Variants in DYNC1H1 observed in about 807,000 individuals in gnomAD.
The protein encoded by DYNC1H1 is dynein cytoplasmic 1 heavy chain 1.
DYNC1H1 carries 51 observed loss-of-function variants against 527.1 expected under a neutral mutation model. The observed-to-expected ratio is 0.10, with a 90% CI of 0.08 to 0.12. The LOEUF (loss-of-function observed/expected upper bound fraction) is 0.12. Among genes scored for constraint, DYNC1H1 ranks in the 10% least tolerant of loss-of-function variants. DYNC1H1 has a pLI of 1.00. For missense variants in DYNC1H1, 2,771 were observed against 5,971.8 expected, an observed-to-expected ratio of 0.46 and a Z score of 17.66; for synonymous variants, 2,189 against 2,278.8, an observed-to-expected ratio of 0.96 and a Z score of 1.12.
chr14:101,991,300 C>G (rs2047995698), intron 10 of DYNC1H1, among the ~76,000 whole-genome samples: 1 of 152,128 alleles, frequency 6.6e-6, no homozygotes, highest in African/African-American at 2.4e-5. Flanking sequence ...ATGCTGAAAC[C>G]CGTCTCTACT....
Position 102,001,415 on chromosome 14 carries a change from G to A in DYNC1H1, c.4395+61G>A. 7 of 1,611,128 alleles carry A rather than the reference G, an allele frequency of 4.3e-6. No individual in the cohort carries two copies. Among genetic ancestry groups the A allele is most frequent in the Non-Finnish European group, 5.1e-6 (6 of 1,177,482 alleles). Reference sequence around the variant, plus strand: ...GTTTCGGGCTGTTACATAGATCTGAGCTATGTAAAAATGGAGCCTTGTCAT... The same window carrying A: ...GTTTCGGGCTGTTACATAGATCTGAACTATGTAAAAATGGAGCCTTGTCAT... On this transcript the variant is annotated intron_variant, in intron 20 of 77. Coordinates refer to ENST00000360184, the MANE Select transcript of DYNC1H1 (RefSeq NM_001376.5). The surrounding 1 kb of genome is among the most constrained non-coding windows in gnomAD (Gnocchi z 5.0).
In DYNC1H1 at chr14:102,005,470, G is replaced by A. The variant is rs1412223601; in HGVS notation, c.5433+234G>A. Among the ~76,000 whole-genome samples, 1 of 152,196 alleles carries A rather than the reference G, an allele frequency of 6.6e-6. No homozygotes were observed. Among genetic ancestry groups the A allele is most frequent in the Non-Finnish European group, 1.5e-5 (1 of 68,022 alleles). On this transcript the variant is annotated intron_variant, in intron 26 of 77. Transcript: ENST00000360184. The surrounding 1 kb of genome is among the most constrained non-coding windows in gnomAD (Gnocchi z 4.0). ...GGTAGAGAGGAAGGGATCAACCTTG[G>A]TCAGGATCTCTTGCTCTTTCCTGTC...
In DYNC1H1 at chr14:102,016,429, C is replaced by G. The variant is rs1172501503; in HGVS notation, c.7554C>G (p.Ile2518Met). 1 of 1,614,044 alleles carries G rather than the reference C, an allele frequency of 6.2e-7. No homozygotes were observed. Among genetic ancestry groups the G allele is most frequent in the African/African-American group, 1.3e-5 (1 of 74,910 alleles). The change falls in exon 37 of 78, where the codon ATC becomes ATG. Residue 2518 changes from isoleucine to methionine, a missense_variant. Physicochemically the swap from Ile to Met is conservative, Grantham distance 10. Coordinates refer to ENST00000360184, the MANE Select transcript of DYNC1H1 (RefSeq NM_001376.5). This position sits in a 1 kb window ranked among gnomAD's most constrained non-coding sequence, Gnocchi z 7.3. Reference sequence around the variant, plus strand: ...TGAGAGCAGAGCTGGGTGAATACATCAGAAGAATCACGACCGTGCCTCTGC... The same window carrying G: ...TGAGAGCAGAGCTGGGTGAATACATGAGAAGAATCACGACCGTGCCTCTGC... ...LKMRAELGEY[I>M]RRITTVPLPT...
At chr14:102,007,373 C>A (rs1274059173) in intron 28 of DYNC1H1, among the ~76,000 whole-genome samples, 2 of 152,076 alleles carry the variant, frequency 1.3e-5, no homozygotes, top group Non-Finnish European at 2.9e-5. Context: ...TTTTTGACGA[C>A]ATTTTTAGTG....
Position 102,010,256 on chromosome 14 carries a change from CT to C in DYNC1H1, c.6222-13del. 1.2e-6 allele frequency: 2 copies of C among 1,613,702 alleles called. No individual in the cohort carries two copies. Among genetic ancestry groups the C allele is most frequent in the Non-Finnish European group, 1.7e-6 (2 of 1,179,972 alleles). On this transcript the variant is annotated intron_variant, in intron 30 of 77. Transcript: ENST00000360184. The surrounding 1 kb of genome is among the most constrained non-coding windows in gnomAD (Gnocchi z 6.0). ...AAAGTATACTGTTATTAAAGATAGC[CT>C]TTTTTTCTTCTTTTCTAGACTATGC... is the stretch of plus-strand genomic sequence containing the variant.
chr14:102,043,283 C>CAA (rs10673572), intron 69 of DYNC1H1: 12,450 of 117,960 alleles, frequency 0.11, 1,094 homozygotes, highest in East Asian at 0.28. Context: ...GACCCCGTCT[C>CAA]AAAAAAAAAA....
chr14:102,044,233 G>T lies in DYNC1H1; in HGVS notation c.12685-41G>T. 2 of 1,610,886 alleles carry T rather than the reference G, an allele frequency of 1.2e-6. No homozygotes were observed. The highest frequency in any genetic ancestry group is 1.7e-6 in the Non-Finnish European group (2 of 1,178,906). ...TCGAAAGGAAGCCCCGGGCCTGCCC[G>T]CCTCTGACCACACACACGAACCCTG... is the stretch of plus-strand genomic sequence containing the variant. On this transcript the variant is annotated intron_variant, in intron 70 of 77. Coordinates refer to ENST00000360184, the MANE Select transcript of DYNC1H1 (RefSeq NM_001376.5). This position sits in a 1 kb window ranked among gnomAD's most constrained non-coding sequence, Gnocchi z 7.1.
rs140436909 is a variant in DYNC1H1 at position 102,029,673 on chromosome 14, G to A, written c.9603G>A (p.Leu3201=). Residue 3201 remains leucine, a synonymous_variant, in exon 49 of 78, where the codon TTG becomes TTA. Transcript: ENST00000360184. This position sits in a 1 kb window ranked among gnomAD's most constrained non-coding sequence, Gnocchi z 5.3. ...AGCTGGAGGAGCAGCAGATGCACTT[G>A]AACGTGGGGCTCAGGAAGATCAAAG... ...RSELEEQQMH[L]NVGLRKIKET... The A allele has an allele frequency of 1.1e-5, 18 of 1,614,088 alleles. No individual in the cohort carries two copies. Among genetic ancestry groups the A allele is most frequent in the Non-Finnish European group, 1.4e-5 (16 of 1,180,038 alleles).
rs933665213 is a variant in DYNC1H1 at position 102,050,010 on chromosome 14, G to A, written c.13685-61G>A. 7 of 1,614,032 alleles carry A rather than the reference G, an allele frequency of 4.3e-6. No individual in the cohort carries two copies. The East Asian group carries it at 1.3e-4, about 31-fold the overall frequency. On this transcript the variant is annotated intron_variant, in intron 76 of 77. Coordinates refer to ENST00000360184, the MANE Select transcript of DYNC1H1 (RefSeq NM_001376.5). Reference sequence around the variant, plus strand: ...TGGGTGGAGCCTCTGGGCGCCCTGTGACTGGGGTTTGTGTAGCTGTTGTGT... The same window carrying A: ...TGGGTGGAGCCTCTGGGCGCCCTGTAACTGGGGTTTGTGTAGCTGTTGTGT...
In DYNC1H1 at chr14:102,010,514, T is replaced by A. The variant is rs2048246028; in HGVS notation, c.6405+55T>A. The A allele has an allele frequency of 6.3e-7, 1 of 1,593,682 alleles. No individual in the cohort carries two copies. The highest frequency in any genetic ancestry group is 1.1e-5 in the South Asian group (1 of 88,434). Reference sequence around the variant, plus strand: ...CCTTATACGTTATTTAAATTTACCTTTTTAACATTTAAGCCATGACTTGTG... The same window carrying A: ...CCTTATACGTTATTTAAATTTACCTATTTAACATTTAAGCCATGACTTGTG... On this transcript the variant is annotated intron_variant, in intron 31 of 77. Transcript: ENST00000360184. This position sits in a 1 kb window ranked among gnomAD's most constrained non-coding sequence, Gnocchi z 6.0.
At position 102,044,446 on chromosome 14, in the gene DYNC1H1, G is replaced by C; in HGVS notation, c.12857G>C (p.Cys4286Ser). The C allele has an allele frequency of 6.2e-7, 1 of 1,614,216 alleles. No homozygotes were observed. Among genetic ancestry groups the C allele is most frequent in the Non-Finnish European group, 8.5e-7 (1 of 1,180,042 alleles). Residue 4286 changes from cysteine (C) to serine (S), a missense_variant, in exon 71 of 78, where the codon TGC becomes TCC. Coordinates refer to ENST00000360184, the MANE Select transcript of DYNC1H1 (RefSeq NM_001376.5). This position sits in a 1 kb window ranked among gnomAD's most constrained non-coding sequence, Gnocchi z 7.1. ...RSFDSEFKLA[C>S]KVDGHKDIQM... is the part of the protein sequence containing the mutation. ...TTCGACAGTGAGTTTAAGCTGGCAT[G>C]CAAGGTCGACGGACATAAAGACATT...
intron 24 of DYNC1H1, 23 bp downstream of exon 24, chr14:102,004,706 T>G: frequency 6.2e-7 from 1 of 1,614,202 alleles, no homozygotes; most frequent in Non-Finnish European, 8.5e-7. Context: ...TCGTAACTTT[T>G]AAAACTTCTC....
chr14:102,020,466 A>C lies in DYNC1H1; in HGVS notation c.8507+410A>C, dbSNP rs1362068612. 6.6e-6 allele frequency among the ~76,000 whole-genome samples: 1 copy of C among 152,142 alleles called. No individual in the cohort carries two copies. The highest frequency in any genetic ancestry group is 1.5e-5 in the Non-Finnish European group (1 of 68,032). On this transcript the variant is annotated intron_variant, in intron 42 of 77. Transcript: ENST00000360184. The surrounding 1 kb of genome is among the most constrained non-coding windows in gnomAD (Gnocchi z 4.3). ...TTACCAGAGCACGGGTTCACTGCTG[A>C]GTTAAAAGGTCTCCCAACAACTGCC...
intron 1 of DYNC1H1, among the ~76,000 whole-genome samples, chr14:101,974,653 T>C (rs1280469572): frequency 6.6e-6 from 1 of 152,246 alleles, no homozygotes; most frequent in Admixed American, 6.5e-5. Context: ...CACATGCTTC[T>C]TGAGGCTACC....
rs1190612 is a variant in DYNC1H1, at chr14:102,054,551, A to G, written c.*3988A>G. The G allele has an allele frequency of 0.37, 54,689 of 147,838 alleles. 13,374 individuals carry two copies. Among genetic ancestry groups the G allele is most frequent in the African/African-American group, 0.71 (28,487 of 39,926 alleles). The allele number at this position is 147,838 out of a possible 1,614,324, so 9.2% of individuals were successfully genotyped here. ...CCAGTTACAACACCATCACCAACAG[A>G]GCCTTTGCAGAACTTTTTTTTTTTT... is the stretch of plus-strand genomic sequence containing the variant. On this transcript the variant is annotated 3_prime_UTR_variant, in exon 78 of 78. Coordinates refer to ENST00000360184, the MANE Select transcript of DYNC1H1 (RefSeq NM_001376.5).
chr14:101,965,062 A>G lies in DYNC1H1; in HGVS notation c.256+115A>G. On this transcript the variant is annotated intron_variant, in intron 1 of 77. Transcript: ENST00000360184. This position sits in a 1 kb window ranked among gnomAD's most constrained non-coding sequence, Gnocchi z 4.1. ...GATGGGAGGAGCCCGGCAGCTGCAG[A>G]TGACCCCTGGATGGGCAGAGCCCGG... The G allele has an allele frequency of 5.0e-6, 6 of 1,192,450 alleles. No individual in the cohort carries two copies. The Admixed American group carries it at 7.2e-5, about 14-fold the overall frequency. The allele number at this position is 1,192,450 out of a possible 1,614,324, so 73.9% of individuals were successfully genotyped here.
At position 102,022,733 on chromosome 14, in the gene DYNC1H1, A is replaced by G. The variant is rs767229783; in HGVS notation, c.8508-18A>G. The G allele has an allele frequency of 2.4e-5, 39 of 1,613,996 alleles. No individual in the cohort carries two copies. The highest frequency in any genetic ancestry group is 3.2e-5 in the Non-Finnish European group (38 of 1,179,948). ...GTGCCCTCTAGTTACCTAAATGCAC[A>G]TGCTGCTCTCCCCACAGACTCGTAG... On this transcript the variant is annotated intron_variant, in intron 42 of 77. Transcript: ENST00000360184.
intron 17 of DYNC1H1, 44 bp downstream of exon 17, chr14:102,000,188 C>T (rs552487883): frequency 8.1e-6 from 13 of 1,614,048 alleles, no homozygotes; most frequent in East Asian, 4.5e-5. Flanking sequence ...GCTCCCCACC[C>T]GGACTCTGCC....
chr14:102,048,460 T>C, intron 73 of DYNC1H1, 56 bp from the exon 74 acceptor site: 1 of 1,612,166 alleles, frequency 6.2e-7, no homozygotes, highest in Non-Finnish European at 8.5e-7. Flanking sequence ...GTTTGACCTT[T>C]ACACTGGAGA....
Sources: gnomAD v4.1 joint callset for allele counts (sites outside exome capture counted in the v4.1 genomes callset) on GRCh38, gnomAD v4.1.1 for gene constraint, Gnocchi (gnomAD v3.1) non-coding constraint, MANE v1.5 for transcripts, NCBI Gene and HGNC (gene_info 2026-07-23, HGNC 2026-07-21) for gene names.